Variants in SEMA3C observed in about 807,000 individuals in gnomAD.
SEMA3C encodes the protein semaphorin-3C.
SEMA3C carries 47 observed loss-of-function variants against 89.4 expected under a neutral mutation model. That is an observed-to-expected ratio of 0.53 (90% CI 0.42 to 0.67). The LOEUF (loss-of-function observed/expected upper bound fraction) is 0.67, where lower values mean the gene tolerates loss of function less well. Among genes scored for constraint, SEMA3C ranks in the 30% least tolerant of loss-of-function variants. The pLI, the probability that SEMA3C is intolerant of heterozygous loss-of-function variation, is 0.00. For missense variants in SEMA3C, 839 were observed against 929.1 expected (o/e 0.90, Z 1.26); for synonymous variants, 310 against 320.2 (o/e 0.97, Z 0.34).
At chr7:80,751,487 C>G in intron 15 of SEMA3C, 151 bp from the exon 16 acceptor site, 1 of 636,194 alleles carries the variant, frequency 1.6e-6, no homozygotes, top group Non-Finnish European at 2.8e-6. Flanking sequence ...GCAGCTATCT[C>G]ACATTTCTTA....
At chr7:80,861,406 T>G (rs1333873952) in intron 2 of SEMA3C, among the ~76,000 whole-genome samples, 1 of 152,146 alleles carries the variant, frequency 6.6e-6, no homozygotes, top group Non-Finnish European at 1.5e-5. Flanking sequence ...TTGCCATGGT[T>G]TTCAATATTC....
chr7:80,841,110 A>T (rs1384067821), intron 2 of SEMA3C, among the ~76,000 whole-genome samples: 1 of 152,084 alleles, frequency 6.6e-6, no homozygotes, highest in Non-Finnish European at 1.5e-5. Flanking sequence ...TGACTGTCAA[A>T]CCATAGGGGT....
intron 4 of SEMA3C, among the ~76,000 whole-genome samples, chr7:80,822,241 T>C (rs1789765726): frequency 6.6e-6 from 1 of 152,078 alleles, no homozygotes; most frequent in Non-Finnish European, 1.5e-5. Context: ...TTTTTAAATG[T>C]ACCGTAGAAG....
intron 2 of SEMA3C, among the ~76,000 whole-genome samples, chr7:80,863,812 T>TC (rs1790839962): frequency 5.2e-5 from 6 of 116,462 alleles, no homozygotes; most frequent in African/African-American, 2.6e-4. Flanking sequence ...ATATATGTGA[T>TC]ACATATATAT....
upstream of SEMA3C, chr7:80,919,174 C>T (rs1792353528): frequency 1.0e-6 from 1 of 984,818 alleles, no homozygotes; most frequent in African/African-American, 1.7e-5. Context: ...CGCGCAGCCC[C>T]GGCCGCATCT....
At chr7:80,764,390 T>A (rs1326716291) in intron 13 of SEMA3C, among the ~76,000 whole-genome samples, 1 of 152,116 alleles carries the variant, frequency 6.6e-6, no homozygotes, top group Non-Finnish European at 1.5e-5. Flanking sequence ...GCTTTACCCA[T>A]CTTTCCAAAT....
At chr7:80,882,763 T>C (rs1791377040) in intron 2 of SEMA3C, among the ~76,000 whole-genome samples, 1 of 152,052 alleles carries the variant, frequency 6.6e-6, no homozygotes, top group Non-Finnish European at 1.5e-5. Flanking sequence ...TTTTTGTAAG[T>C]CCTATAATAC....
chr7:80,758,117 G>A (rs1788104342), intron 15 of SEMA3C, among the ~76,000 whole-genome samples: 1 of 152,136 alleles, frequency 6.6e-6, no homozygotes, highest in Admixed American at 6.5e-5. Context: ...TCTTTCCAAA[G>A]TACTGTACTC....
chr7:80,831,889 A>G lies in SEMA3C; in HGVS notation c.104-3144T>C, dbSNP rs181219966. On this transcript the variant is annotated intron_variant, in intron 2 of 17. Transcript: ENST00000265361. Reference sequence around the variant, plus strand: ...TGAATATGCCCTTACTACTTTTGGGAGATCTGAAAAGGAGATATATTTGGT... The same window carrying G: ...TGAATATGCCCTTACTACTTTTGGGGGATCTGAAAAGGAGATATATTTGGT... Among the ~76,000 whole-genome samples, 25 of 152,300 alleles carry G rather than the reference A, an allele frequency of 1.6e-4. No individual in the cohort carries two copies. The East Asian group carries it at 3.9e-3, about 23-fold the overall frequency.
rs949787576 is a variant in SEMA3C at position 80,749,126 on chromosome 7, T to C, written c.1712-98A>G. 6.0e-5 allele frequency: 75 copies of C among 1,248,912 alleles called. 3 individuals carry two copies. In the South Asian group the frequency reaches 1.2e-3, roughly 20 times the overall value. The allele number at this position is 1,248,912 out of a possible 1,614,324, so 77.4% of individuals were successfully genotyped here. A position where few individuals can be genotyped will look rare whatever the true frequency, so the allele number is the denominator to read the frequency against. ...AATGCTATATACATGTTTATTTTTATACAAAATTGTGAACAACTATCGCAG... is the reference window on the plus strand; with the variant it reads ...AATGCTATATACATGTTTATTTTTACACAAAATTGTGAACAACTATCGCAG... On this transcript the variant is annotated intron_variant, in intron 16 of 17. Coordinates refer to ENST00000265361, the MANE Select transcript of SEMA3C (RefSeq NM_006379.5).
intron 2 of SEMA3C, among the ~76,000 whole-genome samples, chr7:80,916,282 A>C (rs75379729): frequency 0.018 from 2,773 of 152,244 alleles, 82 homozygotes; most frequent in African/African-American, 0.063. Context: ...AATTGGGAGA[A>C]TTTTTTAGTA....
intron 2 of SEMA3C, among the ~76,000 whole-genome samples, chr7:80,897,462 G>A (rs920374234): frequency 6.6e-6 from 1 of 152,128 alleles, no homozygotes; most frequent in African/African-American, 2.4e-5. Context: ...GACCACACTT[G>A]CCTACATGCC....
chr7:80,827,400 T>TG (rs778970160), intron 4 of SEMA3C, 25 bp downstream of exon 4: 25 of 1,462,116 alleles, frequency 1.7e-5, no homozygotes, highest in East Asian at 9.9e-5. Flanking sequence ...GTGTTTTTTT[T>TG]TTTTTTTTTT....
In SEMA3C at chr7:80,876,025, C is replaced by T. The variant is rs76493761; in HGVS notation, c.103+40654G>A. Among the ~76,000 whole-genome samples the T allele has an allele frequency of 1.5e-3, 229 of 151,976 alleles. 1 individual carries two copies. The highest frequency in any genetic ancestry group is 2.3e-3 in the Non-Finnish European group (158 of 67,984). ...CACCGTGCATGATAACTACTTAGCA[C>T]GGAGAAGGTATTAAATTTGTGGGTG... is the stretch of plus-strand genomic sequence containing the variant. On this transcript the variant is annotated intron_variant, in intron 2 of 17. Coordinates refer to ENST00000265361, the MANE Select transcript of SEMA3C (RefSeq NM_006379.5).
intron 2 of SEMA3C, among the ~76,000 whole-genome samples, chr7:80,857,149 A>G (rs186693661): frequency 6.6e-5 from 10 of 152,172 alleles, no homozygotes; most frequent in Admixed American, 2.6e-4. Context: ...TTAATTCCCG[A>G]ATTAAATGTG....
intron 5 of SEMA3C, among the ~76,000 whole-genome samples, chr7:80,813,805 A>G (rs931619869): frequency 2.4e-4 from 37 of 152,296 alleles, no homozygotes; most frequent in South Asian, 1.0e-3. Context: ...AATTACGTAC[A>G]TCCTCACCAC....
chr7:80,888,344 A>T (rs1791531658), intron 2 of SEMA3C, among the ~76,000 whole-genome samples: 1 of 151,556 alleles, frequency 6.6e-6, no homozygotes, highest in African/African-American at 2.4e-5. Flanking sequence ...AGTCCAGGAA[A>T]ATGAGCCACT....
intron 12 of SEMA3C, among the ~76,000 whole-genome samples, chr7:80,765,679 C>T (rs774543883): frequency 2.4e-4 from 37 of 152,224 alleles, no homozygotes; most frequent in Middle Eastern, 6.8e-3. Flanking sequence ...CGGGTTCAAG[C>T]GATTGTTCTG....
At chr7:80,853,978 AT>A in intron 2 of SEMA3C, among the ~76,000 whole-genome samples, 1 of 152,110 alleles carries the variant, frequency 6.6e-6, no homozygotes, top group Non-Finnish European at 1.5e-5. Context: ...AAGGAGATTC[AT>A]TTTGGACATC....
Sources: allele counts gnomAD v4.1 joint callset (sites outside exome capture counted in the v4.1 genomes callset), GRCh38; gene constraint gnomAD v4.1.1; transcripts MANE v1.5; gene names NCBI Gene and HGNC (gene_info 2026-07-23, HGNC 2026-07-21).